Variants in BMP5 observed in about 807,000 individuals in gnomAD.
The protein encoded by BMP5 is bone morphogenetic protein 5.
BMP5 carries 23 observed loss-of-function variants against 46.6 expected under a neutral mutation model. The observed-to-expected ratio is 0.49, with a 90% CI of 0.35 to 0.70. BMP5 has a LOEUF of 0.70. Among genes scored for constraint, BMP5 ranks in the 30% least tolerant of loss-of-function variants. The probability of loss-of-function intolerance (pLI) is 0.00; values close to 1 mark genes in which losing one functional copy is unlikely to be tolerated. For synonymous variants in BMP5, 204 were observed against 191.9 expected, an observed-to-expected ratio of 1.06 and a Z score of -0.52; for missense variants, 545 against 565.6, an observed-to-expected ratio of 0.96 and a Z score of 0.37.
intron 3 of BMP5, among the ~76,000 whole-genome samples, chr6:55,784,595 C>T (rs910321304): frequency 5.3e-5 from 8 of 151,494 alleles, no homozygotes; most frequent in Non-Finnish European, 1.0e-4. Flanking sequence ...TTCTCCTTTC[C>T]TATTTATTAA....
chr6:55,785,047 T>A (rs1582062698), intron 3 of BMP5, among the ~76,000 whole-genome samples: 1 of 151,838 alleles, frequency 6.6e-6, no homozygotes, highest in Non-Finnish European at 1.5e-5. Flanking sequence ...TAGTTTCCAC[T>A]AATGTTATTT....
At chr6:55,828,283 G>T (rs1261203501) in intron 1 of BMP5, among the ~76,000 whole-genome samples, 1 of 151,836 alleles carries the variant, frequency 6.6e-6, no homozygotes, top group African/African-American at 2.4e-5. Context: ...TGAAAACAGA[G>T]ATTGGGACTA....
intron 1 of BMP5, among the ~76,000 whole-genome samples, chr6:55,849,462 T>C (rs1310215434): frequency 1.3e-5 from 2 of 151,964 alleles, no homozygotes; most frequent in Admixed American, 1.3e-4. Flanking sequence ...TTTACTAACA[T>C]GAGAGTAAGC....
intron 2 of BMP5, among the ~76,000 whole-genome samples, chr6:55,794,725 T>C (rs1456340745): frequency 6.6e-6 from 1 of 152,162 alleles, no homozygotes; most frequent in Admixed American, 6.5e-5. Flanking sequence ...GTCATCAGTG[T>C]TCCCGGTAAC....
chr6:55,759,164 AAAAAAAAAAAAAAAAAAAAC>A (rs1774696052), intron 5 of BMP5, 49 bp from the exon 6 acceptor site: 6 of 843,296 alleles, frequency 7.1e-6, no homozygotes, highest in Admixed American at 2.8e-5. Flanking sequence ...AAAAAAAAAA[AAAAAAAAAAAAAAAAAAAAC>A]AACAAGAAAA....
intron 1 of BMP5, among the ~76,000 whole-genome samples, chr6:55,848,242 G>T (rs1446354111): frequency 1.3e-5 from 2 of 151,880 alleles, no homozygotes; most frequent in East Asian, 3.9e-4. Flanking sequence ...AAATTCAGCT[G>T]ACTCCTGGTT....
At chr6:55,764,248 A>C (rs562380043) in intron 4 of BMP5, among the ~76,000 whole-genome samples, 1 of 152,314 alleles carries the variant, frequency 6.6e-6, no homozygotes, top group South Asian at 2.1e-4. Flanking sequence ...AATGTGGTAC[A>C]TATACACAAC....
At chr6:55,816,539 T>G (rs1254170510) in intron 2 of BMP5, among the ~76,000 whole-genome samples, 1 of 152,146 alleles carries the variant, frequency 6.6e-6, no homozygotes, top group Non-Finnish European at 1.5e-5. Flanking sequence ...ATTTTATAAA[T>G]GGAACCATTA....
intron 1 of BMP5, among the ~76,000 whole-genome samples, chr6:55,853,713 C>T (rs1174450534): frequency 6.6e-6 from 1 of 151,986 alleles, no homozygotes; most frequent in Non-Finnish European, 1.5e-5. Flanking sequence ...ATTATTTATC[C>T]TTTAATAAAC....
intron 3 of BMP5, among the ~76,000 whole-genome samples, chr6:55,793,577 A>G (rs1166311849): frequency 6.6e-6 from 1 of 152,124 alleles, no homozygotes; most frequent in Non-Finnish European, 1.5e-5. Flanking sequence ...ATTTTTCAGT[A>G]TTAGGGCATA....
At position 55,863,278 on chromosome 6, in the gene BMP5, A is replaced by G. The variant is rs757982355; in HGVS notation, c.490+11098T>C. 3.3e-5 allele frequency among the ~76,000 whole-genome samples: 5 copies of G among 152,310 alleles called. No individual in the cohort carries two copies. The South Asian group carries it at 1.0e-3, about 32-fold the overall frequency. The stretch of plus-strand genomic sequence containing the variant: ...CTTTTAAAAAATATAAGCCATTATT[A>G]TTGTTGTTGTTAAAAGTTGTATACT... On this transcript the variant is annotated intron_variant, in intron 1 of 6. Coordinates refer to ENST00000370830, the MANE Select transcript of BMP5 (RefSeq NM_021073.4).
At chr6:55,765,724 G>A (rs767021332) in intron 4 of BMP5, among the ~76,000 whole-genome samples, 6 of 152,096 alleles carry the variant, frequency 3.9e-5, no homozygotes, top group East Asian at 1.9e-4. Flanking sequence ...CCAGTAATAC[G>A]TACTGTTGTT....
chr6:55,779,549 A>G (rs1775257623), intron 3 of BMP5, among the ~76,000 whole-genome samples: 1 of 152,056 alleles, frequency 6.6e-6, no homozygotes, highest in Non-Finnish European at 1.5e-5. Flanking sequence ...GAAACTGATC[A>G]TTTAAAACGT....
chr6:55,803,193 G>A (rs1039159892), intron 2 of BMP5, among the ~76,000 whole-genome samples: 2 of 151,916 alleles, frequency 1.3e-5, no homozygotes, highest in Non-Finnish European at 2.9e-5. Context: ...CTACTCGGGA[G>A]GCTGAGGCAG....
chr6:55,847,762 A>G (rs1777134217), intron 1 of BMP5, among the ~76,000 whole-genome samples: 1 of 151,934 alleles, frequency 6.6e-6, no homozygotes, highest in South Asian at 2.1e-4. Context: ...CACTGTGTAG[A>G]ATATCCATTA....
intron 3 of BMP5, among the ~76,000 whole-genome samples, chr6:55,775,194 G>C (rs1775147107): frequency 6.6e-6 from 1 of 151,884 alleles, no homozygotes; most frequent in South Asian, 2.1e-4. Flanking sequence ...AGTTGATAAA[G>C]TACCTCTCCC....
chr6:55,827,078 T>C (rs78732327), intron 1 of BMP5, among the ~76,000 whole-genome samples: 1,941 of 151,844 alleles, frequency 0.013, 41 homozygotes, highest in African/African-American at 0.044. Context: ...CTTTTTCCTC[T>C]ACCTTAAGTC....
chr6:55,798,662 T>G (rs1389675130), intron 2 of BMP5, among the ~76,000 whole-genome samples: 1 of 152,156 alleles, frequency 6.6e-6, no homozygotes, highest in Non-Finnish European at 1.5e-5. Context: ...ATGAAATATT[T>G]TGGAATATTA....
intron 1 of BMP5, among the ~76,000 whole-genome samples, chr6:55,872,455 T>A (rs1336151598): frequency 6.6e-6 from 1 of 151,642 alleles, no homozygotes; most frequent in Non-Finnish European, 1.5e-5. Flanking sequence ...AATAAACTAA[T>A]AAACTGCTAT....
Sources: gnomAD v4.1 joint callset for allele counts (sites outside exome capture counted in the v4.1 genomes callset) on GRCh38, gnomAD v4.1.1 for gene constraint, MANE v1.5 for transcripts, NCBI Gene and HGNC (gene_info 2026-07-23, HGNC 2026-07-21) for gene names.